EIF3D: variants seen among roughly 807,000 people sequenced by gnomAD.
EIF3D encodes eIF3 p66.
EIF3D carries 10 observed loss-of-function variants against 75.4 expected under a neutral mutation model. The observed-to-expected ratio is 0.13, with a 90% CI of 0.08 to 0.22. The LOEUF is 0.22. Ranked by LOEUF, EIF3D falls within the 10% of genes least tolerant of loss-of-function variation. The probability of loss-of-function intolerance (pLI) is 1.00; values close to 1 mark genes in which losing one functional copy is unlikely to be tolerated. For missense variants in EIF3D, 394 were observed against 708.0 expected (o/e 0.56, Z 5.03); for synonymous variants, 246 against 248.3 (o/e 0.99, Z 0.09).
chr22:36,525,107 C>T (rs1258966413), intron 3 of EIF3D, among the ~76,000 whole-genome samples: 1 of 152,114 alleles, frequency 6.6e-6, no homozygotes, highest in Non-Finnish European at 1.5e-5. Context: ...TAATAGATCA[C>T]GATATACTTT....
chr22:36,512,748 G>A, intron 12 of EIF3D, 146 bp from the exon 13 acceptor site: 2 of 903,738 alleles, frequency 2.2e-6, no homozygotes, highest in Non-Finnish European at 3.2e-6. Flanking sequence ...AAGAGACAAA[G>A]ACATAGTCCC....
At chr22:36,520,324 G>A (rs1934492305) in intron 7 of EIF3D, among the ~76,000 whole-genome samples, 1 of 151,972 alleles carries the variant, frequency 6.6e-6, no homozygotes, top group Admixed American at 6.6e-5. Context: ...ACCCGGCTAA[G>A]TTTTTGTATT....
At chr22:36,511,903 T>G in intron 13 of EIF3D, 117 bp from the exon 14 acceptor site, 1 of 1,438,226 alleles carries the variant, frequency 7.0e-7, no homozygotes, top group Non-Finnish European at 9.1e-7. Context: ...TCTTTTTTTT[T>G]TTTTTGAGAC....
chr22:36,514,245 T>C (rs1934387722), intron 12 of EIF3D, among the ~76,000 whole-genome samples: 1 of 152,148 alleles, frequency 6.6e-6, no homozygotes, highest in Non-Finnish European at 1.5e-5. Flanking sequence ...GGAAGTATAA[T>C]AAATCAGAGT....
At chr22:36,528,780 C>T (rs1235676342) in intron 1 of EIF3D, 1 of 153,070 alleles carries the variant, frequency 6.5e-6, no homozygotes, top group African/African-American at 2.4e-5. Flanking sequence ...TTCAGAAAGA[C>T]TTTGTTGTTA....
In EIF3D at chr22:36,511,364, A is replaced by C. The variant is rs1934332290; in HGVS notation, c.1633+139T>G. 3.3e-6 allele frequency: 5 copies of C among 1,493,700 alleles called. No individual in the cohort carries two copies. The East Asian group carries it at 9.1e-5, about 27-fold the overall frequency. The allele number at this position is 1,493,700 out of a possible 1,614,324, so 92.5% of individuals were successfully genotyped here. The stretch of plus-strand genomic sequence containing the variant: ...GGCTCTAGAAGAAGCTCTTGGAGCC[A>C]AAGTGAATGCTTCTTCATACTTAAG... On this transcript the variant is annotated intron_variant, in intron 14 of 14. Transcript: ENST00000216190.
chr22:36,512,477 A>C lies in EIF3D; in HGVS notation c.1332T>G (p.Ser444=). Residue 444 remains serine, a synonymous_variant, in exon 13 of 15, where the codon TCT becomes TCG. Coordinates refer to ENST00000216190, the MANE Select transcript of EIF3D (RefSeq NM_003753.4). ...AATCTCACCCAAGCTTGAGGTACTC[A>C]GATCCAGCCAGCAAAGCACAGCAGG... ...RWTCCALLAG[S]EYLKLGYVSR... 1 of 1,614,202 alleles carries C rather than the reference A, an allele frequency of 6.2e-7. No individual in the cohort carries two copies. The highest frequency in any genetic ancestry group is 8.5e-7 in the Non-Finnish European group (1 of 1,180,028).
intron 6 of EIF3D, among the ~76,000 whole-genome samples, chr22:36,522,259 T>C (rs1321106922): frequency 1.3e-5 from 2 of 151,916 alleles, no homozygotes; most frequent in African/African-American, 4.8e-5. Context: ...AAGGCTGAGG[T>C]AGGAGGATCA....
chr22:36,517,821 C>T (rs540845003), intron 9 of EIF3D, among the ~76,000 whole-genome samples: 1 of 152,080 alleles, frequency 6.6e-6, no homozygotes, highest in African/African-American at 2.4e-5. Context: ...GTCCACGGCT[C>T]ACTGCAACCT....
In EIF3D at chr22:36,512,403, C is replaced by T. The variant is rs1182473326; in HGVS notation, c.1349+57G>A. Reference sequence around the variant, plus strand: ...CACGGGGAGGGGAGGGTCAACCTCCCTACCCAGACCCTTCCTTTCACAAGA... The same window carrying T: ...CACGGGGAGGGGAGGGTCAACCTCCTTACCCAGACCCTTCCTTTCACAAGA... On this transcript the variant is annotated intron_variant, in intron 13 of 14. Coordinates refer to ENST00000216190, the MANE Select transcript of EIF3D (RefSeq NM_003753.4). 2.5e-6 allele frequency: 4 copies of T among 1,602,616 alleles called. No homozygotes were observed. In the Admixed American group the frequency reaches 5.0e-5, roughly 20 times the overall value.
intron 13 of EIF3D, 66 bp downstream of exon 13, chr22:36,512,394 T>C (rs1875722895): frequency 6.3e-7 from 1 of 1,584,952 alleles, no homozygotes; most frequent in Non-Finnish European, 8.6e-7. Context: ...GAGGGGAGGG[T>C]CAACCTCCCT....
chr22:36,518,815 G>A lies in EIF3D; in HGVS notation c.807C>T (p.Val269=), dbSNP rs1934467385. The part of the protein sequence containing the change: ...TRSVYSWDIV[V]QRVGSKLFFD... ...AGAAGAGTTTGGACCCAACTCTCTG[G>A]ACGACAATATCCCAGGAATACACTG... Residue 269 remains valine, a synonymous_variant, in exon 9 of 15, where the codon GTC becomes GTT. Coordinates refer to ENST00000216190, the MANE Select transcript of EIF3D (RefSeq NM_003753.4). 1.9e-6 allele frequency: 3 copies of A among 1,614,202 alleles called. No homozygotes were observed. In the South Asian group the frequency reaches 3.3e-5, roughly 18 times the overall value.
chr22:36,513,272 A>G (rs2145868922), intron 12 of EIF3D, among the ~76,000 whole-genome samples: 1 of 152,332 alleles, frequency 6.6e-6, no homozygotes, highest in Admixed American at 6.5e-5. Context: ...ACACAGGGCA[A>G]AAGAAATACT....
At chr22:36,512,052 G>A (rs1438626191) in intron 13 of EIF3D, among the ~76,000 whole-genome samples, 2 of 152,028 alleles carry the variant, frequency 1.3e-5, no homozygotes, top group East Asian at 1.9e-4. Context: ...CACTACGCCC[G>A]GCTAATTTTT....
Position 36,512,579 on chromosome 22 carries a change from A to G in EIF3D, c.1230T>C (p.Arg410=). The change falls in exon 13 of 15, where the codon CGT becomes CGC. Residue 410 remains arginine (R), a synonymous_variant. Coordinates refer to ENST00000216190, the MANE Select transcript of EIF3D (RefSeq NM_003753.4). ...DSRHCNGVDW[R]QKLDSQRGAV... is the part of the protein sequence containing the mutation. ...CCCCTCGCTGAGAGTCCAGCTTCTG[A>G]CGCCAGTCAACGCCATTACAGTGCT... The G allele has an allele frequency of 1.2e-6, 2 of 1,614,080 alleles. No homozygotes were observed. Among genetic ancestry groups the G allele is most frequent in the Non-Finnish European group, 8.5e-7 (1 of 1,179,968 alleles).
At chr22:36,516,823 A>G in intron 10 of EIF3D, 33 bp from the exon 11 acceptor site, 1 of 1,601,368 alleles carries the variant, frequency 6.2e-7, no homozygotes, top group Non-Finnish European at 8.6e-7. Flanking sequence ...AGACAGAGCT[A>G]ACTTTGTTGA....
At chr22:36,523,002 T>G (rs117640811) in intron 6 of EIF3D, 1 of 501,932 alleles carries the variant, frequency 2.0e-6, no homozygotes, top group African/African-American at 2.0e-5. Flanking sequence ...GGAAAACAGA[T>G]CAAGACAGGG....
chr22:36,528,479 C>T (rs2145881622), intron 1 of EIF3D, among the ~76,000 whole-genome samples: 1 of 150,504 alleles, frequency 6.6e-6, no homozygotes, highest in East Asian at 1.9e-4. Context: ...TCAGCAAAAA[C>T]GAAGTAACAG....
intron 12 of EIF3D, chr22:36,516,114 A>G (rs992696341): frequency 2.2e-5 from 4 of 181,738 alleles, no homozygotes; most frequent in Non-Finnish European, 4.6e-5. Context: ...CTTACAGGAA[A>G]ACTGCCAACC....
Sources: allele counts gnomAD v4.1 joint callset (sites outside exome capture counted in the v4.1 genomes callset), GRCh38; gene constraint gnomAD v4.1.1; transcripts MANE v1.5; gene names NCBI Gene and HGNC (gene_info 2026-07-23, HGNC 2026-07-21).